Variants in ZBTB21 observed in about 807,000 individuals in gnomAD.
ZBTB21 encodes zinc finger and BTB domain-containing protein 21.
ZBTB21 carries 10 observed loss-of-function variants against 39.8 expected under a neutral mutation model. The observed-to-expected ratio is 0.25, with a 90% confidence interval of 0.16 to 0.43. The LOEUF is 0.43. Among genes scored for constraint, ZBTB21 ranks in the 20% least tolerant of loss-of-function variants. The pLI is 1.00. For synonymous variants in ZBTB21, 551 were observed against 498.8 expected, an observed-to-expected ratio of 1.10 and a Z score of -1.40; for missense variants, 1,221 against 1,296.3, an observed-to-expected ratio of 0.94 and a Z score of 0.89.
Position 41,992,773 on chromosome 21 carries a change from C to T in ZBTB21, c.1323G>A (p.Ser441=), listed in dbSNP as rs375318729. The T allele has an allele frequency of 1.3e-4, 206 of 1,613,918 alleles. No homozygotes were observed. Among genetic ancestry groups the T allele is most frequent in the Middle Eastern group, 1.2e-3 (7 of 6,084 alleles). The change falls in exon 3 of 3, where the codon TCG becomes TCA. Residue 441 remains serine, a synonymous_variant. Coordinates refer to ENST00000310826, the MANE Select transcript of ZBTB21 (RefSeq NM_001098402.2). This position sits in a 1 kb window ranked among gnomAD's most constrained non-coding sequence, Gnocchi z 4.1. The part of the protein sequence containing the change: ...TEPSSPLSDP[S]DIIRVTVGDA... ...CTCCCACAGTGACGCGGATGATGTCCGAGGGGTCCGACAGCGGGCTGCTGG... is the reference window on the plus strand; with the variant it reads ...CTCCCACAGTGACGCGGATGATGTCTGAGGGGTCCGACAGCGGGCTGCTGG...
intron 1 of ZBTB21, among the ~76,000 whole-genome samples, chr21:42,006,632 C>T (rs1370568067): frequency 6.6e-6 from 1 of 152,068 alleles, no homozygotes; most frequent in Non-Finnish European, 1.5e-5. Flanking sequence ...GGTCAAGTTC[C>T]AGCTACTCCA....
chr21:41,998,575 T>C (rs907815457), intron 2 of ZBTB21, among the ~76,000 whole-genome samples: 1 of 152,210 alleles, frequency 6.6e-6, no homozygotes, highest in Non-Finnish European at 1.5e-5. Context: ...CCCAAGTAAC[T>C]ATCTGTGACG....
intron 1 of ZBTB21, among the ~76,000 whole-genome samples, chr21:42,009,973 G>A (rs905733551): frequency 3.3e-5 from 5 of 152,248 alleles, no homozygotes; most frequent in South Asian, 2.1e-4. Flanking sequence ...GTGAGGGAAT[G>A]GAGCATGCGC....
rs377604420 is a variant in ZBTB21 at position 41,993,744 on chromosome 21, C to T, written c.352G>A (p.Val118Ile). The change falls in exon 3 of 3, where the codon GTT (valine) becomes ATT (isoleucine). Residue 118 changes from valine (V) to isoleucine (I), a missense_variant. By Grantham distance (29) the Val-to-Ile change is conservative (BLOSUM62 3). Coordinates refer to ENST00000310826, the MANE Select transcript of ZBTB21 (RefSeq NM_001098402.2). Reference sequence around the variant, plus strand: ...AAGGGGGCTTGAGGTGTTTTAGAAACGATGTTAGTCAGAAAGGAAATCCCA... The same window carrying T: ...AAGGGGGCTTGAGGTGTTTTAGAAATGATGTTAGTCAGAAAGGAAATCCCA... ...SLGISFLTNI[V>I]SKTPQAPFPT... The T allele has an allele frequency of 1.7e-5, 27 of 1,613,984 alleles. No homozygotes were observed. Among genetic ancestry groups the T allele is most frequent in the South Asian group, 2.2e-5 (2 of 91,078 alleles).
chr21:41,998,128 T>C (rs2065773380), intron 2 of ZBTB21, among the ~76,000 whole-genome samples: 1 of 151,956 alleles, frequency 6.6e-6, no homozygotes, highest in Non-Finnish European at 1.5e-5. Context: ...GCAGAGACAA[T>C]GCCTGACTCT....
In ZBTB21 at chr21:41,994,098, CT is replaced by C; in HGVS notation, c.-4del. 1 of 1,561,904 alleles carries C rather than the reference CT, an allele frequency of 6.4e-7. No individual in the cohort carries two copies. The highest frequency in any genetic ancestry group is 1.2e-5 in the South Asian group (1 of 83,996). ...ATGTAATGCAGTAATCCCTCCATGG[CT>C]TGAGTTTATCTAAAAGACAAAATGT... On this transcript the variant is annotated 5_prime_UTR_variant, in exon 3 of 3. Transcript: ENST00000310826.
intron 1 of ZBTB21, 133 bp downstream of exon 1, chr21:42,010,119 C>T (rs936115006): frequency 2.6e-6 from 1 of 388,346 alleles, no homozygotes; most frequent in Non-Finnish European, 4.5e-6. Flanking sequence ...AGCCCGCAAC[C>T]CGCTGGTGGA....
In ZBTB21 at chr21:41,988,611, T is replaced by C. The variant is rs530598592; in HGVS notation, c.*2284A>G. The C allele has an allele frequency of 2.0e-5, 3 of 152,254 alleles. No individual in the cohort carries two copies. The South Asian group carries it at 6.2e-4, about 32-fold the overall frequency. 9.4% of individuals were successfully genotyped at this position (152,254 alleles called of 1,614,324 possible). ...TTTTAAAGTACAGTATAAAAAGTAATAGAAAAACCAGAACGGCATTATAAA... is the reference window on the plus strand; with the variant it reads ...TTTTAAAGTACAGTATAAAAAGTAACAGAAAAACCAGAACGGCATTATAAA... On this transcript the variant is annotated 3_prime_UTR_variant, in exon 3 of 3. Coordinates refer to ENST00000310826, the MANE Select transcript of ZBTB21 (RefSeq NM_001098402.2).
In ZBTB21 at chr21:41,988,273, A is replaced by C. The variant is rs892598227; in HGVS notation, c.*2622T>G. ...TATTAAAACATTTTACATTCTTTCC[A>C]CAACTGCATAAAAAAGCAGGCATCC... On this transcript the variant is annotated 3_prime_UTR_variant, in exon 3 of 3. Coordinates refer to ENST00000310826, the MANE Select transcript of ZBTB21 (RefSeq NM_001098402.2). 1.3e-5 allele frequency: 2 copies of C among 152,360 alleles called. No homozygotes were observed. Among genetic ancestry groups the C allele is most frequent in the Admixed American group, 1.3e-4 (2 of 15,302 alleles). The allele number at this position is 152,360 out of a possible 1,614,324, so 9.4% of individuals were successfully genotyped here.
intron 1 of ZBTB21, among the ~76,000 whole-genome samples, chr21:42,008,223 C>T (rs2065903704): frequency 6.6e-6 from 1 of 151,562 alleles, no homozygotes; most frequent in South Asian, 2.1e-4. Context: ...ACTGTCCCTT[C>T]GGCTGGGCGC....
In ZBTB21 at chr21:41,991,428, C is replaced by T. The variant is rs1396522820; in HGVS notation, c.2668G>A (p.Ala890Thr). 7 of 1,611,648 alleles carry T rather than the reference C, an allele frequency of 4.3e-6. No homozygotes were observed. Among genetic ancestry groups the T allele is most frequent in the Non-Finnish European group, 5.9e-6 (7 of 1,179,218 alleles). Reference protein sequence around the residue: ...EEPVEEAEEEAPEASTAPKEA... With the variant: ...EEPVEEAEEETPEASTAPKEA... ...TTGGGGGCTGTGCTGGCCTCGGGTG[C>T]CTCTTCTTCAGCCTCCTCCACAGGC... The change falls in exon 3 of 3, where the codon GCA becomes ACA. Residue 890 changes from alanine to threonine, a missense_variant. By Grantham distance (58) the Ala-to-Thr change is moderately conservative (BLOSUM62 0). This residue lies in a region of ZBTB21 where 523 missense variants were observed against 542.5 expected (regional missense o/e 0.96). Coordinates refer to ENST00000310826, the MANE Select transcript of ZBTB21 (RefSeq NM_001098402.2). The surrounding 1 kb of genome is among the most constrained non-coding windows in gnomAD (Gnocchi z 4.9).
rs145121431 is a variant in ZBTB21, at chr21:41,991,420, C to T, written c.2676G>A (p.Glu892=). 2 of 1,612,078 alleles carry T rather than the reference C, an allele frequency of 1.2e-6. No homozygotes were observed. The highest frequency in any genetic ancestry group is 1.3e-5 in the African/African-American group (1 of 74,578). The part of the protein sequence containing the change: ...PVEEAEEEAP[E]ASTAPKEAGP... The stretch of plus-strand genomic sequence containing the variant: ...CCGCTTCTTTGGGGGCTGTGCTGGC[C>T]TCGGGTGCCTCTTCTTCAGCCTCCT... Residue 892 remains glutamate, a synonymous_variant, in exon 3 of 3, where the codon GAG becomes GAA. Transcript: ENST00000310826. The surrounding 1 kb of genome is among the most constrained non-coding windows in gnomAD (Gnocchi z 4.9).
chr21:41,989,161 A>C lies in ZBTB21; in HGVS notation c.*1734T>G, dbSNP rs1569098069. 1 of 152,178 alleles carries C rather than the reference A, an allele frequency of 6.6e-6. No individual in the cohort carries two copies. Among genetic ancestry groups the C allele is most frequent in the African/African-American group, 2.4e-5 (1 of 41,462 alleles). The allele number at this position is 152,178 out of a possible 1,614,324, so 9.4% of individuals were successfully genotyped here. On this transcript the variant is annotated 3_prime_UTR_variant, in exon 3 of 3. Coordinates refer to ENST00000310826, the MANE Select transcript of ZBTB21 (RefSeq NM_001098402.2). ...AAATTTAAGAAAGAATAGGAAGTTA[A>C]CTACTAAAATATTGTGGAATTTTGG...
rs370559494 is a variant in ZBTB21 at position 41,990,992 on chromosome 21, G to A, written c.3104C>T (p.Ser1035Leu). The change falls in exon 3 of 3, where the codon TCA (serine) becomes TTA (leucine). Residue 1035 changes from serine to leucine, a missense_variant. By Grantham distance (145) the Ser-to-Leu change is moderately radical. Transcript: ENST00000310826. Reference sequence around the variant, plus strand: ...AAACTGTCTTTTAAATGTGATTGCTGAAAGGGGTGGGGCATGGTAAAAAAG... The same window carrying A: ...AAACTGTCTTTTAAATGTGATTGCTAAAAGGGGTGGGGCATGGTAAAAAAG... ...DTLFYHAPPL[S>L]AITFKRQFMC... 1.9e-6 allele frequency: 3 copies of A among 1,544,864 alleles called. No individual in the cohort carries two copies. Among genetic ancestry groups the A allele is most frequent in the African/African-American group, 1.4e-5 (1 of 72,342 alleles).
At chr21:41,995,229 A>C (rs1415254717) in intron 2 of ZBTB21, among the ~76,000 whole-genome samples, 1 of 152,358 alleles carries the variant, frequency 6.6e-6, no homozygotes, top group African/African-American at 2.4e-5. Flanking sequence ...ACTCAGAAGA[A>C]GACAGGAAAA....
rs2065621918 is a variant in ZBTB21 at position 41,989,480 on chromosome 21, T to C, written c.*1415A>G. 6.6e-6 allele frequency: 1 copy of C among 152,158 alleles called. No homozygotes were observed. 9.4% of individuals were successfully genotyped at this position (152,158 alleles called of 1,614,324 possible). A position where few individuals can be genotyped will look rare whatever the true frequency, so the allele number is the denominator to read the frequency against. On this transcript the variant is annotated 3_prime_UTR_variant, in exon 3 of 3. Coordinates refer to ENST00000310826, the MANE Select transcript of ZBTB21 (RefSeq NM_001098402.2). ...TTGGTATTACTTTCTTAAAAGGATTTTGTAGTTTCGTTTTTTTAATACATC... is the reference window on the plus strand; with the variant it reads ...TTGGTATTACTTTCTTAAAAGGATTCTGTAGTTTCGTTTTTTTAATACATC...
rs1032782765 is a variant in ZBTB21 at position 41,988,806 on chromosome 21, G to A, written c.*2089C>T. 2 of 150,876 alleles carry A rather than the reference G, an allele frequency of 1.3e-5. No individual in the cohort carries two copies. The highest frequency in any genetic ancestry group is 4.9e-5 in the African/African-American group (2 of 41,022). The allele number at this position is 150,876 out of a possible 1,614,324, so 9.3% of individuals were successfully genotyped here. A position where few individuals can be genotyped will look rare whatever the true frequency, so the allele number is the denominator to read the frequency against. On this transcript the variant is annotated 3_prime_UTR_variant, in exon 3 of 3. Transcript: ENST00000310826. ...ACAATATTATTTTTAAAAAATCTTC[G>A]AAAATGTAGCATAAAGGTTTAGGTC...
intron 2 of ZBTB21, among the ~76,000 whole-genome samples, chr21:42,000,045 T>C (rs1431308273): frequency 1.3e-5 from 2 of 151,968 alleles, no homozygotes; most frequent in Non-Finnish European, 2.9e-5. Flanking sequence ...ATGACCCAGA[T>C]GAGAGAGGAT....
At position 41,990,806 on chromosome 21, in the gene ZBTB21, T is replaced by C. The variant is rs929069131; in HGVS notation, c.*89A>G. The C allele has an allele frequency of 7.8e-7, 1 of 1,282,588 alleles. No individual in the cohort carries two copies. 79.5% of individuals were successfully genotyped at this position (1,282,588 alleles called of 1,614,324 possible). A position where few individuals can be genotyped will look rare whatever the true frequency, so the allele number is the denominator to read the frequency against. The stretch of plus-strand genomic sequence containing the variant: ...CAATCTCCAACCTTTATTATTCTTG[T>C]TTAAAAAATATTTTGTTTCTTATGA... On this transcript the variant is annotated 3_prime_UTR_variant, in exon 3 of 3. Coordinates refer to ENST00000310826, the MANE Select transcript of ZBTB21 (RefSeq NM_001098402.2).
Sources: gnomAD v4.1 joint callset for allele counts (sites outside exome capture counted in the v4.1 genomes callset) on GRCh38, gnomAD v4.1.1 for gene constraint, gnomAD v4.1.1 regional missense constraint, Gnocchi (gnomAD v3.1) non-coding constraint, MANE v1.5 for transcripts, NCBI Gene and HGNC (gene_info 2026-07-23, HGNC 2026-07-21) for gene names.